Variants in CHCHD6 observed in about 807,000 individuals in gnomAD.
CHCHD6 encodes the protein MICOS complex subunit MIC25.
A neutral mutation model predicts 32.3 loss-of-function variants in CHCHD6; 28 were observed. The ratio of observed to expected loss-of-function variants is 0.87; its 90% CI spans 0.64 to 1.19. The LOEUF (loss-of-function observed/expected upper bound fraction) is 1.19, where lower values mean the gene tolerates loss of function less well. CHCHD6 is among the 50% of genes most tolerant of loss of function. CHCHD6 has a pLI of 0.00. For missense variants in CHCHD6, 333 were observed against 307.0 expected (o/e 1.08, Z -0.63); for synonymous variants, 122 against 117.5 (o/e 1.04, Z -0.25).
At chr3:126,934,811 A>T (rs1169200156) in intron 6 of CHCHD6, among the ~76,000 whole-genome samples, 1 of 152,054 alleles carries the variant, frequency 6.6e-6, no homozygotes, top group Non-Finnish European at 1.5e-5. Flanking sequence ...GGCCTCCCAG[A>T]GTGCTGGGAT....
chr3:126,787,484 A>C (rs1196117890), intron 4 of CHCHD6, among the ~76,000 whole-genome samples: 2 of 150,918 alleles, frequency 1.3e-5, no homozygotes, highest in South Asian at 2.1e-4. Flanking sequence ...ATTTGTTTGT[A>C]TCCTCTTTTA....
rs185544100 is a variant in CHCHD6, at chr3:126,941,951, G to C, written c.567-15465G>C. 3.9e-5 allele frequency among the ~76,000 whole-genome samples: 6 copies of C among 152,254 alleles called. No homozygotes were observed. In the East Asian group the frequency reaches 9.6e-4, roughly 24 times the overall value. On this transcript the variant is annotated intron_variant, in intron 6 of 7. Coordinates refer to ENST00000290913, the MANE Select transcript of CHCHD6 (RefSeq NM_032343.3). ...ACCCTAATGTTGTCGTTTCCTTTCT[G>C]GTCCAGGAATCTGTCATGCATCATC...
intron 4 of CHCHD6, chr3:126,767,400 T>C (rs1445168560): frequency 1.3e-6 from 1 of 745,476 alleles, no homozygotes; most frequent in Non-Finnish European, 2.5e-6. Context: ...TCGATGAGTC[T>C]GGGGGCTCCT....
At chr3:126,918,669 GA>G (rs1259800848) in intron 6 of CHCHD6, among the ~76,000 whole-genome samples, 1 of 152,064 alleles carries the variant, frequency 6.6e-6, no homozygotes, top group Non-Finnish European at 1.5e-5. Context: ...TGAAGGAATT[GA>G]AAAAAGGCCA....
At chr3:126,778,292 G>A (rs1937749935) in intron 4 of CHCHD6, among the ~76,000 whole-genome samples, 1 of 152,162 alleles carries the variant, frequency 6.6e-6, no homozygotes, top group Non-Finnish European at 1.5e-5. Context: ...ACTTTGCAAT[G>A]GAATGGTTGG....
intron 4 of CHCHD6, among the ~76,000 whole-genome samples, chr3:126,850,095 C>A (rs575289748): frequency 1.3e-5 from 2 of 152,352 alleles, no homozygotes; most frequent in East Asian, 1.9e-4. Context: ...TTTCGTGTCA[C>A]CTCCTGTCCA....
chr3:126,811,963 T>C (rs28425593), intron 4 of CHCHD6, among the ~76,000 whole-genome samples: 21,771 of 152,174 alleles, frequency 0.14, 1,708 homozygotes, highest in South Asian at 0.28. Flanking sequence ...CTTGCAGATA[T>C]TTGCAAATGA....
chr3:126,847,373 CTTACTATGTAATTT>C (rs1306663416), intron 4 of CHCHD6, among the ~76,000 whole-genome samples: 1 of 152,124 alleles, frequency 6.6e-6, no homozygotes, highest in Non-Finnish European at 1.5e-5. Context: ...CCCTCAGTGT[CTTACTATGTAATTT>C]TGGCCTTCTG....
chr3:126,878,466 G>T (rs1402598619), intron 5 of CHCHD6, among the ~76,000 whole-genome samples: 1 of 152,174 alleles, frequency 6.6e-6, no homozygotes, highest in Non-Finnish European at 1.5e-5. Context: ...GCCTGAAAGG[G>T]CTCCCACGAG....
intron 4 of CHCHD6, among the ~76,000 whole-genome samples, chr3:126,757,425 G>A (rs1270172772): frequency 2.0e-5 from 3 of 152,072 alleles, no homozygotes; most frequent in African/African-American, 7.2e-5. Context: ...GGGCTCAAAA[G>A]GAAAAGGGAA....
intron 4 of CHCHD6, among the ~76,000 whole-genome samples, chr3:126,805,804 C>T (rs531242830): frequency 2.4e-4 from 37 of 152,308 alleles, no homozygotes; most frequent in African/African-American, 8.2e-4. Flanking sequence ...TCAAACTATA[C>T]TACAAGGCTA....
intron 5 of CHCHD6, among the ~76,000 whole-genome samples, chr3:126,867,413 A>G (rs1942324345): frequency 6.6e-6 from 1 of 152,232 alleles, no homozygotes; most frequent in South Asian, 2.1e-4. Flanking sequence ...TTCCCCTAGC[A>G]TATTAAGCCA....
chr3:126,919,666 T>C (rs940335853), intron 6 of CHCHD6, among the ~76,000 whole-genome samples: 7 of 151,916 alleles, frequency 4.6e-5, no homozygotes, highest in Admixed American at 3.9e-4. Flanking sequence ...ATAAAAGTTT[T>C]ATTTTTAATT....
chr3:126,949,332 A>T lies in CHCHD6; in HGVS notation c.567-8084A>T, dbSNP rs2078681703. The T allele has an allele frequency of 1.8e-5, 4 of 217,774 alleles. No homozygotes were observed. The South Asian group carries it at 2.3e-4, about 12-fold the overall frequency. The allele number at this position is 217,774 out of a possible 1,614,324, so 13.5% of individuals were successfully genotyped here. A position where few individuals can be genotyped will look rare whatever the true frequency, so the allele number is the denominator to read the frequency against. ...GGTTTGTGCAGTCATGGACAGCTACACAGGCGCCTGCCATGGACGGAAGGG... is the reference window on the plus strand; with the variant it reads ...GGTTTGTGCAGTCATGGACAGCTACTCAGGCGCCTGCCATGGACGGAAGGG... On this transcript the variant is annotated intron_variant, in intron 6 of 7. Transcript: ENST00000290913.
chr3:126,766,255 T>C (rs1937366266), intron 4 of CHCHD6, among the ~76,000 whole-genome samples: 1 of 152,116 alleles, frequency 6.6e-6, no homozygotes, highest in Admixed American at 6.6e-5. Context: ...TTGGAAAGCA[T>C]ACAGAACAAA....
chr3:126,748,386 GGAATTCGA>G (rs1427695015), intron 4 of CHCHD6, among the ~76,000 whole-genome samples: 5 of 152,148 alleles, frequency 3.3e-5, no homozygotes, highest in Non-Finnish European at 7.3e-5. Flanking sequence ...CCTGAGGTCA[GGAATTCGA>G]GACCAGCCTG....
chr3:126,756,396 C>G (rs184240905), intron 4 of CHCHD6, among the ~76,000 whole-genome samples: 1 of 152,190 alleles, frequency 6.6e-6, no homozygotes, highest in East Asian at 1.9e-4. Context: ...AGCCTGGCCT[C>G]CTGAAGGGAG....
chr3:126,856,080 G>C (rs1941656825), intron 5 of CHCHD6, among the ~76,000 whole-genome samples: 1 of 152,118 alleles, frequency 6.6e-6, no homozygotes, highest in South Asian at 2.1e-4. Context: ...GAATTGTCTT[G>C]GGCCACACAA....
intron 4 of CHCHD6, among the ~76,000 whole-genome samples, chr3:126,849,914 G>C (rs565245378): frequency 6.6e-6 from 1 of 152,196 alleles, no homozygotes; most frequent in African/African-American, 2.4e-5. Flanking sequence ...CGTGCTGCGT[G>C]GCCTCTCATG....
Sources: gnomAD v4.1 joint callset for allele counts (sites outside exome capture counted in the v4.1 genomes callset) on GRCh38, gnomAD v4.1.1 for gene constraint, MANE v1.5 for transcripts, NCBI Gene and HGNC (gene_info 2026-07-23, HGNC 2026-07-21) for gene names.